SPAST: variants seen among roughly 807,000 people sequenced by gnomAD.
SPAST encodes spastic paraplegia 4 (autosomal dominant; spastin).
A neutral mutation model predicts 76.6 loss-of-function variants in SPAST; 30 were observed. That is an observed-to-expected ratio of 0.39 (90% CI 0.29 to 0.53). The LOEUF (loss-of-function observed/expected upper bound fraction) is 0.53, where lower values mean the gene tolerates loss of function less well. Ranked by LOEUF, SPAST falls within the 20% of genes least tolerant of loss-of-function variation. The pLI, the probability that SPAST is intolerant of heterozygous loss-of-function variation, is 0.68. For missense variants in SPAST, 717 were observed against 770.5 expected (o/e 0.93, Z 0.82); for synonymous variants, 305 against 281.0 (o/e 1.09, Z -0.86).
rs1248563912 is a variant in SPAST at position 32,155,980 on chromosome 2, T to C, written c.*1484T>C. 1.3e-5 allele frequency: 2 copies of C among 152,404 alleles called. No homozygotes were observed. 9.4% of individuals were successfully genotyped at this position (152,404 alleles called of 1,614,324 possible). A position where few individuals can be genotyped will look rare whatever the true frequency, so the allele number is the denominator to read the frequency against. On this transcript the variant is annotated 3_prime_UTR_variant, in exon 17 of 17. Coordinates refer to ENST00000315285, the MANE Select transcript of SPAST (RefSeq NM_014946.4). ...TTATAATGAAGACATACATTCTTCT[T>C]AATTTTACTCTTGCTCTTGTTAAAG...
intron 1 of SPAST, among the ~76,000 whole-genome samples, chr2:32,069,994 C>T (rs1015648511): frequency 2.0e-5 from 3 of 150,694 alleles, no homozygotes; most frequent in Non-Finnish European, 2.9e-5. Context: ...AATGAAATCT[C>T]GTGTAAATGT....
intron 4 of SPAST, among the ~76,000 whole-genome samples, chr2:32,104,980 T>G (rs975091753): frequency 6.6e-6 from 1 of 152,214 alleles, no homozygotes; most frequent in Non-Finnish European, 1.5e-5. Context: ...CTGTATTTCC[T>G]GAATTTGAAT....
At chr2:32,125,889 G>T (rs1259983828) in intron 7 of SPAST, among the ~76,000 whole-genome samples, 3 of 152,088 alleles carry the variant, frequency 2.0e-5, no homozygotes, top group Non-Finnish European at 2.9e-5. Context: ...CCGCCTCCCG[G>T]GTTCACGCCA....
intron 12 of SPAST, among the ~76,000 whole-genome samples, chr2:32,139,762 T>C (rs1412732723): frequency 1.3e-5 from 2 of 149,832 alleles, no homozygotes; most frequent in South Asian, 2.1e-4. Flanking sequence ...CCAGGAGGCA[T>C]AGGTTGCAGT....
At chr2:32,085,103 C>T (rs1448223883) in intron 1 of SPAST, among the ~76,000 whole-genome samples, 1 of 151,448 alleles carries the variant, frequency 6.6e-6, no homozygotes, top group Non-Finnish European at 1.5e-5. Context: ...AACAAAAATA[C>T]ATGTAAACAG....
In SPAST at chr2:32,127,029, G is replaced by T. The variant is rs771762303; in HGVS notation, c.1173+7G>T. 4 of 1,597,566 alleles carry T rather than the reference G, an allele frequency of 2.5e-6. No individual in the cohort carries two copies. Among genetic ancestry groups the T allele is most frequent in the Non-Finnish European group, 3.4e-6 (4 of 1,165,064 alleles). On this transcript the variant is annotated splice_region_variant and intron_variant, in intron 8 of 16. Transcript: ENST00000315285. ...GAATGGGAAGACAATGCTGGTAAGG[G>T]TTCTCTTCAAATTTGAGTTTTCTGT...
chr2:32,154,454 G>A lies in SPAST; in HGVS notation c.1809G>A (p.Ala603=), dbSNP rs769450158. The A allele has an allele frequency of 3.1e-5, 50 of 1,613,016 alleles. No homozygotes were observed. The highest frequency in any genetic ancestry group is 1.6e-4 in the Middle Eastern group (1 of 6,076). ...GCGTCAGCCCTCAAACTTTAGAAGC[G>A]TACATACGTTGGAACAAGGACTTTG... The part of the protein sequence containing the change: ...KRSVSPQTLE[A]YIRWNKDFGD... Residue 603 remains alanine (A), a synonymous_variant, in exon 17 of 17, where the codon GCG becomes GCA. Coordinates refer to ENST00000315285, the MANE Select transcript of SPAST (RefSeq NM_014946.4).
chr2:32,109,250 A>G (rs1678440333), intron 4 of SPAST, among the ~76,000 whole-genome samples: 1 of 151,900 alleles, frequency 6.6e-6, no homozygotes, highest in African/African-American at 2.4e-5. Context: ...CTGGAATTAG[A>G]GGTGTGTGCC....
chr2:32,146,670 G>C (rs931266395), intron 15 of SPAST, among the ~76,000 whole-genome samples: 1 of 151,970 alleles, frequency 6.6e-6, no homozygotes, highest in African/African-American at 2.4e-5. Context: ...TTCGAGACCA[G>C]CTTGGCCAAT....
intron 7 of SPAST, among the ~76,000 whole-genome samples, chr2:32,125,796 T>C (rs1381753079): frequency 6.6e-6 from 1 of 151,928 alleles, no homozygotes; most frequent in Non-Finnish European, 1.5e-5. Context: ...CCTGTGTTTG[T>C]TTGTTTGTTT....
intron 5 of SPAST, 91 bp from the exon 6 acceptor site, chr2:32,115,611 G>C (rs1678798143): frequency 3.0e-6 from 3 of 992,830 alleles, no homozygotes; most frequent in Non-Finnish European, 3.1e-6. Context: ...TATTTTTAAA[G>C]CTTGAATTCT....
intron 5 of SPAST, among the ~76,000 whole-genome samples, chr2:32,115,191 GC>G (rs1678782853): frequency 6.6e-6 from 1 of 151,696 alleles, no homozygotes; most frequent in Non-Finnish European, 1.5e-5. Flanking sequence ...CAGGTGATCC[GC>G]CTGCCTCAGC....
chr2:32,144,487 C>T (rs1367037897), intron 14 of SPAST, among the ~76,000 whole-genome samples: 1 of 152,216 alleles, frequency 6.6e-6, no homozygotes, highest in Non-Finnish European at 1.5e-5. Flanking sequence ...ATGGGCCTTT[C>T]TATTCCCTTA....
chr2:32,083,304 G>C (rs1277976828), intron 1 of SPAST, among the ~76,000 whole-genome samples: 3 of 151,968 alleles, frequency 2.0e-5, no homozygotes, highest in African/African-American at 7.3e-5. Context: ...TCATGTACAG[G>C]TCTTAGAAGT....
chr2:32,114,572 T>C (rs1198495964), intron 4 of SPAST, 66 bp from the exon 5 acceptor site: 3 of 1,249,900 alleles, frequency 2.4e-6, no homozygotes. Flanking sequence ...GTTTTACAAA[T>C]GTTTGCTTGT....
chr2:32,098,381 G>C (rs1197011248), intron 3 of SPAST, among the ~76,000 whole-genome samples: 1 of 152,170 alleles, frequency 6.6e-6, no homozygotes, highest in Non-Finnish European at 1.5e-5. Context: ...AGGATAACTT[G>C]AGCTCAGGGA....
At chr2:32,088,856 A>C (rs1183546941) in intron 2 of SPAST, among the ~76,000 whole-genome samples, 2 of 152,186 alleles carry the variant, frequency 1.3e-5, no homozygotes, top group African/African-American at 4.8e-5. Context: ...TGGTGCATGC[A>C]TGGGCAATGA....
chr2:32,094,532 AATG>A (rs1677848043), intron 3 of SPAST, among the ~76,000 whole-genome samples: 1 of 152,230 alleles, frequency 6.6e-6, no homozygotes, highest in African/African-American at 2.4e-5. Context: ...CAAAGAGGCC[AATG>A]TGTTCCAGCA....
chr2:32,088,206 A>G (rs188345499), intron 2 of SPAST, among the ~76,000 whole-genome samples: 1 of 151,330 alleles, frequency 6.6e-6, no homozygotes, highest in Non-Finnish European at 1.5e-5. Context: ...ATTAAAAAAA[A>G]TTTTTTTGTA....
Sources: gnomAD v4.1 joint callset for allele counts (sites outside exome capture counted in the v4.1 genomes callset) on GRCh38, gnomAD v4.1.1 for gene constraint, MANE v1.5 for transcripts, NCBI Gene and HGNC (gene_info 2026-07-23, HGNC 2026-07-21) for gene names.